SMO: variants seen among roughly 807,000 people sequenced by gnomAD.
SMO encodes the protein smoothened, frizzled class receptor, also known as protein smoothened.
A neutral mutation model predicts 81.6 loss-of-function variants in SMO; 40 were observed. The ratio of observed to expected loss-of-function variants is 0.49; its 90% CI spans 0.38 to 0.64. The LOEUF (loss-of-function observed/expected upper bound fraction) is 0.64. Among genes scored for constraint, SMO ranks in the 30% least tolerant of loss-of-function variants. The pLI is 0.00. For synonymous variants in SMO, 434 were observed against 432.1 expected (o/e 1.00, Z -0.05); for missense variants, 916 against 1,061.1 (o/e 0.86, Z 1.90).
In SMO at chr7:129,188,926, T is replaced by G. The variant is rs2150637398; in HGVS notation, c.-226T>G. The G allele has an allele frequency of 2.9e-6, 1 of 342,916 alleles. No individual in the cohort carries two copies. Among genetic ancestry groups the G allele is most frequent in the Non-Finnish European group, 5.3e-6 (1 of 190,418 alleles). The allele number at this position is 342,916 out of a possible 1,614,324, so 21.2% of individuals were successfully genotyped here. A position where few individuals can be genotyped will look rare whatever the true frequency, so the allele number is the denominator to read the frequency against. On this transcript the variant is annotated 5_prime_UTR_variant, in exon 1 of 12. Coordinates refer to ENST00000249373, the MANE Select transcript of SMO (RefSeq NM_005631.5). The surrounding 1 kb of genome is among the most constrained non-coding windows in gnomAD (Gnocchi z 4.9). ...AGGGCTTGGGGAGTCGTGCATCCCG[T>G]TCCGGGCCTCCGCAGCCCAACATGG...
chr7:129,203,671 G>C, intron 2 of SMO, 82 bp downstream of exon 2: 1 of 1,118,376 alleles, frequency 8.9e-7, no homozygotes, highest in Non-Finnish European at 1.3e-6. Flanking sequence ...GGGAGCAGGG[G>C]AGCCCAGAGC....
chr7:129,191,409 G>C (rs1333175606), intron 1 of SMO, among the ~76,000 whole-genome samples: 1 of 152,210 alleles, frequency 6.6e-6, no homozygotes. Context: ...AGAGATGCCA[G>C]CACTGAGCCC....
intron 1 of SMO, among the ~76,000 whole-genome samples, chr7:129,196,327 T>TTGTGTGTGTGTGTGTGTGTGTG (rs57674265): frequency 6.2e-5 from 9 of 145,030 alleles, no homozygotes; most frequent in African/African-American, 2.0e-4. Context: ...CTATTCTTGA[T>TTGTGTGTGTGTGTGTGTGTGTG]TGTGTGTGTG....
Position 129,206,712 on chromosome 7 carries a change from C to CAT in SMO, c.1264+126_1264+127insTA. On this transcript the variant is annotated intron_variant, in intron 6 of 11. Coordinates refer to ENST00000249373, the MANE Select transcript of SMO (RefSeq NM_005631.5). This position sits in a 1 kb window ranked among gnomAD's most constrained non-coding sequence, Gnocchi z 4.4. The stretch of plus-strand genomic sequence containing the variant: ...CCCCAGCTAGCTCCTATAGGGCCTT[C>CAT]ACACAGTAGAAGGTGACCCTCTAGG... The CAT allele has an allele frequency of 1.1e-6, 1 of 927,830 alleles. No individual in the cohort carries two copies. The highest frequency in any genetic ancestry group is 2.6e-5 in the East Asian group (1 of 38,942). 57.5% of individuals were successfully genotyped at this position (927,830 alleles called of 1,614,324 possible). A position where few individuals can be genotyped will look rare whatever the true frequency, so the allele number is the denominator to read the frequency against.
At position 129,211,799 on chromosome 7, in the gene SMO, G is replaced by A. The variant is rs200513404; in HGVS notation, c.1936+29G>A. The A allele has an allele frequency of 8.0e-4, 1,296 of 1,613,670 alleles. 1 individual carries two copies. Among genetic ancestry groups the A allele is most frequent in the Non-Finnish European group, 1.0e-3 (1,208 of 1,179,724 alleles). ...TGAGAGTTCAAGCTTCTGGAGGAAG[G>A]TGGGGGGAGCACAGAGGCTGGGGGC... On this transcript the variant is annotated intron_variant, in intron 11 of 11. Transcript: ENST00000249373. The surrounding 1 kb of genome is among the most constrained non-coding windows in gnomAD (Gnocchi z 4.6).
At chr7:129,209,178 C>A (rs532360060) in intron 7 of SMO, 111 bp from the exon 8 acceptor site, 2 of 690,506 alleles carry the variant, frequency 2.9e-6, no homozygotes, top group Non-Finnish European at 5.3e-6. Context: ...ATGAGTTCAC[C>A]CCAGCCCCAG....
chr7:129,202,573 G>A (rs928013165), intron 1 of SMO, among the ~76,000 whole-genome samples: 3 of 152,158 alleles, frequency 2.0e-5, no homozygotes, highest in Non-Finnish European at 4.4e-5. Flanking sequence ...GGAGATTGCC[G>A]CCTGTTTCTG....
Position 129,212,525 on chromosome 7 carries a change from GCTTCCCTAGGATCCCGT to G in SMO, c.*80_*96del. On this transcript the variant is annotated 3_prime_UTR_variant, in exon 12 of 12. Transcript: ENST00000249373. This position sits in a 1 kb window ranked among gnomAD's most constrained non-coding sequence, Gnocchi z 5.0. ...AAGGCTCTTCTTCCTCACCGAGCAT[GCTTCCCTAGGATCCCGT>G]CTTCCAGAGAACCTGTGGGCTGACT... 1 of 1,414,882 alleles carries G rather than the reference GCTTCCCTAGGATCCCGT, an allele frequency of 7.1e-7. No homozygotes were observed. The highest frequency in any genetic ancestry group is 2.3e-5 in the East Asian group (1 of 43,560). The allele number at this position is 1,414,882 out of a possible 1,614,324, so 87.6% of individuals were successfully genotyped here.
At position 129,189,458 on chromosome 7, in the gene SMO, C is replaced by G. The variant is rs2150638494; in HGVS notation, c.307C>G (p.His103Asp). The G allele has an allele frequency of 6.5e-7, 1 of 1,538,140 alleles. No homozygotes were observed. The highest frequency in any genetic ancestry group is 1.2e-5 in the South Asian group (1 of 84,026). ...AGDSDSQEEA[H>D]GKLVLWSGLR... ...AGACTCGGACTCCCAGGAGGAAGCG[C>G]ACGGCAAGCTCGTGCTCTGGTCGGG... The change falls in exon 1 of 12, where the codon CAC becomes GAC. Residue 103 changes from histidine (H) to aspartate (D), a missense_variant. His to Asp is a moderately conservative substitution (Grantham distance 81, BLOSUM62 -1). Coordinates refer to ENST00000249373, the MANE Select transcript of SMO (RefSeq NM_005631.5). The surrounding 1 kb of genome is among the most constrained non-coding windows in gnomAD (Gnocchi z 4.7).
chr7:129,195,830 G>A (rs577354906), intron 1 of SMO, among the ~76,000 whole-genome samples: 2 of 152,076 alleles, frequency 1.3e-5, no homozygotes, highest in South Asian at 4.2e-4. Context: ...GGCCAGGCGT[G>A]GTGGCTCACA....
rs2150657442 is a variant in SMO, at chr7:129,212,455, T to C, written c.*4T>C. The C allele has an allele frequency of 6.2e-7, 1 of 1,608,916 alleles. No homozygotes were observed. Among genetic ancestry groups the C allele is most frequent in the Admixed American group, 1.7e-5 (1 of 59,884 alleles). On this transcript the variant is annotated 3_prime_UTR_variant, in exon 12 of 12. Coordinates refer to ENST00000249373, the MANE Select transcript of SMO (RefSeq NM_005631.5). The surrounding 1 kb of genome is among the most constrained non-coding windows in gnomAD (Gnocchi z 5.0). ...GGATGCAGACTCGGACTTCTGAGCC[T>C]GCAGAGCAGGACCTGGGACAGGAAA...
chr7:129,200,294 G>T (rs2566869), intron 1 of SMO, among the ~76,000 whole-genome samples: 3 of 151,700 alleles, frequency 2.0e-5, no homozygotes, highest in Admixed American at 2.0e-4. Flanking sequence ...GGTGGCGGGC[G>T]CCTGTAATCC....
chr7:129,201,248 T>C (rs1793664456), intron 1 of SMO, among the ~76,000 whole-genome samples: 3 of 152,140 alleles, frequency 2.0e-5, no homozygotes, highest in African/African-American at 4.8e-5. Context: ...GGTTTCACCA[T>C]GTTGGCCAGG....
chr7:129,193,419 T>C (rs1793507223), intron 1 of SMO, among the ~76,000 whole-genome samples: 1 of 152,078 alleles, frequency 6.6e-6, no homozygotes, highest in South Asian at 2.1e-4. Context: ...AGGAAGAATT[T>C]CCTTAGAGCT....
intron 1 of SMO, among the ~76,000 whole-genome samples, chr7:129,194,896 C>T (rs1319344840): frequency 1.3e-5 from 2 of 152,166 alleles, no homozygotes; most frequent in Admixed American, 6.5e-5. Context: ...ATTCTCCTGC[C>T]TCCGCCTCCC....
At chr7:129,203,264 C>A in intron 1 of SMO, 120 bp from the exon 2 acceptor site, 1 of 718,108 alleles carries the variant, frequency 1.4e-6, no homozygotes, top group Non-Finnish European at 2.4e-6. Context: ...AACACTGTAC[C>A]TGCCAGGTCT....
In SMO at chr7:129,189,581, C is replaced by G. The variant is rs1584651531; in HGVS notation, c.331+99C>G. The G allele has an allele frequency of 1.5e-6, 2 of 1,309,332 alleles. No individual in the cohort carries two copies. The highest frequency in any genetic ancestry group is 1.4e-5 in the South Asian group (1 of 73,772). 81.1% of individuals were successfully genotyped at this position (1,309,332 alleles called of 1,614,324 possible). A position where few individuals can be genotyped will look rare whatever the true frequency, so the allele number is the denominator to read the frequency against. On this transcript the variant is annotated intron_variant, in intron 1 of 11. Coordinates refer to ENST00000249373, the MANE Select transcript of SMO (RefSeq NM_005631.5). This position sits in a 1 kb window ranked among gnomAD's most constrained non-coding sequence, Gnocchi z 4.7. ...GCTCAGGCCTGAGTTTTGGAGAGGG[C>G]GGGGACAGCACCCGGGAGAGTTGGA... is the stretch of plus-strand genomic sequence containing the variant.
chr7:129,211,846 G>C lies in SMO; in HGVS notation c.1936+76G>C, dbSNP rs1044643830. 6.4e-7 allele frequency: 1 copy of C among 1,569,338 alleles called. No individual in the cohort carries two copies. The highest frequency in any genetic ancestry group is 1.4e-5 in the African/African-American group (1 of 74,004). On this transcript the variant is annotated intron_variant, in intron 11 of 11. Coordinates refer to ENST00000249373, the MANE Select transcript of SMO (RefSeq NM_005631.5). The surrounding 1 kb of genome is among the most constrained non-coding windows in gnomAD (Gnocchi z 4.6). Reference sequence around the variant, plus strand: ...GGGCTTCTGGGACTGGAGTACAGGGGCTGTCGGAGGAGGAGGAAGAGGAAG... The same window carrying C: ...GGGCTTCTGGGACTGGAGTACAGGGCCTGTCGGAGGAGGAGGAAGAGGAAG...
In SMO at chr7:129,206,278, A is replaced by G. The variant is rs201916476; in HGVS notation, c.1049A>G (p.Tyr350Cys). 1.2e-5 allele frequency: 20 copies of G among 1,613,292 alleles called. No homozygotes were observed. Among genetic ancestry groups the G allele is most frequent in the Non-Finnish European group, 1.6e-5 (19 of 1,179,944 alleles). ...HTSFKALGTTYQPLSGKTSYF... is the reference protein window; with the variant it reads ...HTSFKALGTTCQPLSGKTSYF... ...TCCTTCAAAGCCCTGGGCACCACCT[A>G]CCAGCCTCTCTCGGGCAAGACCTCC... The change falls in exon 5 of 12, where the codon TAC (tyrosine) becomes TGC (cysteine). Residue 350 changes from tyrosine to cysteine, a missense_variant. Transcript: ENST00000249373. The surrounding 1 kb of genome is among the most constrained non-coding windows in gnomAD (Gnocchi z 4.4).
Sources: gnomAD v4.1 joint callset for allele counts (sites outside exome capture counted in the v4.1 genomes callset) on GRCh38, gnomAD v4.1.1 for gene constraint, Gnocchi (gnomAD v3.1) non-coding constraint, MANE v1.5 for transcripts, NCBI Gene and HGNC (gene_info 2026-07-23, HGNC 2026-07-21) for gene names.